Variants in MAST4 observed in about 807,000 individuals in gnomAD.
MAST4 encodes the protein microtubule associated serine/threonine kinase family member 4, also known as microtubule-associated serine/threonine-protein kinase 4.
MAST4 carries 89 observed loss-of-function variants against 162.7 expected under a neutral mutation model. That is an observed-to-expected ratio of 0.55 (90% CI 0.46 to 0.65). MAST4 has a LOEUF of 0.65. Among genes scored for constraint, MAST4 ranks in the 30% least tolerant of loss-of-function variants. MAST4 has a pLI of 0.00. For missense variants in MAST4, 3,153 were observed against 3,374.0 expected, an observed-to-expected ratio of 0.93 and a Z score of 1.62; for synonymous variants, 1,479 against 1,361.1, an observed-to-expected ratio of 1.09 and a Z score of -1.91.
Position 66,987,172 on chromosome 5 carries a change from C to T in MAST4, c.675-67232C>T, listed in dbSNP as rs540296325. ...ATGTGTAAAGTTTATGTGAAAGAAA[C>T]GAGAGCCTTGTTTTCAGAAGCTCTT... On this transcript the variant is annotated intron_variant, in intron 4 of 28. Coordinates refer to ENST00000403625, the MANE Select transcript of MAST4 (RefSeq NM_001164664.2). Among the ~76,000 whole-genome samples the T allele has an allele frequency of 5.3e-5, 8 of 152,104 alleles. No individual in the cohort carries two copies. The South Asian group carries it at 8.3e-4, about 16-fold the overall frequency.
intron 4 of MAST4, among the ~76,000 whole-genome samples, chr5:67,008,222 G>A (rs1238942768): frequency 3.9e-5 from 6 of 152,188 alleles, no homozygotes; most frequent in African/African-American, 7.2e-5. Context: ...GACTTTATAC[G>A]AAAACTTGTT....
At chr5:66,846,233 G>A (rs1758844921) in intron 3 of MAST4, among the ~76,000 whole-genome samples, 1 of 152,144 alleles carries the variant, frequency 6.6e-6, no homozygotes, top group Non-Finnish European at 1.5e-5. Flanking sequence ...CCAACTTACA[G>A]TTATCATCCA....
intron 1 of MAST4, among the ~76,000 whole-genome samples, chr5:66,661,074 T>C (rs1404656288): frequency 6.6e-6 from 1 of 152,186 alleles, no homozygotes; most frequent in Non-Finnish European, 1.5e-5. Flanking sequence ...TCTGATCCTC[T>C]AGGCATCCCT....
At position 67,100,494 on chromosome 5, in the gene MAST4, G is replaced by C. The variant is rs758601501; in HGVS notation, c.972G>C (p.Glu324Asp). ...TACCATACCAACCAACACCAGACGA[G>C]TTACACTTCTTATCAAAACATTTCT... ...HQLPYQPTPD[E>D]LHFLSKHFCT... The change falls in exon 8 of 29, where the codon GAG becomes GAC. Residue 324 changes from glutamate (E) to aspartate (D), a missense_variant. By Grantham distance (45) the Glu-to-Asp change is conservative (BLOSUM62 2). This residue lies in a region of MAST4 where 360 missense variants were observed against 450.0 expected (regional missense o/e 0.80). Coordinates refer to ENST00000403625, the MANE Select transcript of MAST4 (RefSeq NM_001164664.2). 1 of 1,613,866 alleles carries C rather than the reference G, an allele frequency of 6.2e-7. No homozygotes were observed. The highest frequency in any genetic ancestry group is 1.7e-5 in the Admixed American group (1 of 60,010).
At chr5:66,915,655 T>C (rs13182621) in intron 4 of MAST4, among the ~76,000 whole-genome samples, 4,998 of 152,232 alleles carry the variant, frequency 0.033, 153 homozygotes, top group African/African-American at 0.076. Flanking sequence ...AAAATGCCAG[T>C]TGTGTAACTA....
At chr5:66,866,587 A>T (rs1462937398) in intron 3 of MAST4, among the ~76,000 whole-genome samples, 3 of 152,166 alleles carry the variant, frequency 2.0e-5, no homozygotes, top group Admixed American at 1.3e-4. Context: ...GATCTCTTTA[A>T]TAGTGCCTAT....
At chr5:67,145,737 A>C (rs963149770) in intron 23 of MAST4, among the ~76,000 whole-genome samples, 4 of 152,194 alleles carry the variant, frequency 2.6e-5, no homozygotes, top group South Asian at 2.1e-4. Context: ...AGTTGCATCT[A>C]ACTCAAAAGT....
chr5:66,597,095 G>C, intron 1 of MAST4, 77 bp downstream of exon 1: 1 of 1,312,364 alleles, frequency 7.6e-7, no homozygotes, highest in Non-Finnish European at 9.7e-7. Context: ...CGCACAGGCA[G>C]TGGGCAGGAG....
intron 19 of MAST4, among the ~76,000 whole-genome samples, chr5:67,137,122 T>G (rs1303082311): frequency 6.6e-6 from 1 of 152,226 alleles, no homozygotes; most frequent in Non-Finnish European, 1.5e-5. Flanking sequence ...AAATGGGTTA[T>G]CAGTACTTGG....
At chr5:66,864,161 A>G (rs1760317418) in intron 3 of MAST4, among the ~76,000 whole-genome samples, 1 of 152,106 alleles carries the variant, frequency 6.6e-6, no homozygotes, top group Non-Finnish European at 1.5e-5. Flanking sequence ...AGACAAACAT[A>G]CATATACAGT....
At chr5:66,797,139 C>T (rs1755689702) in intron 3 of MAST4, among the ~76,000 whole-genome samples, 3 of 152,222 alleles carry the variant, frequency 2.0e-5, no homozygotes, top group Admixed American at 2.0e-4. Flanking sequence ...GTCCTTCTGG[C>T]ATCCTATTTC....
At chr5:67,130,188 C>G (rs144710911) in intron 14 of MAST4, 22 bp from the exon 15 acceptor site, 1 of 1,598,544 alleles carries the variant, frequency 6.3e-7, no homozygotes, top group South Asian at 1.1e-5. Flanking sequence ...CTGTCAACCC[C>G]AATACTTCTG....
chr5:66,718,145 A>G (rs1173351726), intron 1 of MAST4, among the ~76,000 whole-genome samples: 1 of 150,598 alleles, frequency 6.6e-6, no homozygotes, highest in African/African-American at 2.5e-5. Context: ...GACAGACTAT[A>G]TATATTTAAA....
chr5:66,613,211 C>T (rs931796629), intron 1 of MAST4, among the ~76,000 whole-genome samples: 22 of 152,080 alleles, frequency 1.4e-4, no homozygotes, highest in Admixed American at 9.8e-4. Flanking sequence ...CCAGTGTGCC[C>T]GGCCCAATTA....
chr5:66,677,185 G>A (rs1489333735), intron 1 of MAST4, among the ~76,000 whole-genome samples: 1 of 152,172 alleles, frequency 6.6e-6, no homozygotes, highest in African/African-American at 2.4e-5. Context: ...GTGCAAACAA[G>A]TACATGTATC....
rs942267758 is a variant in MAST4 at position 67,119,315 on chromosome 5, G to A, written c.1659+566G>A. ...GGGAGGAGGAGGGAAGGGTGACCAT[G>A]TGGAAGCCAGTTCAGAGGCTCCTGC... On this transcript the variant is annotated intron_variant, in intron 13 of 28. Transcript: ENST00000403625. Among the ~76,000 whole-genome samples, 3 of 152,096 alleles carry A rather than the reference G, an allele frequency of 2.0e-5. No individual in the cohort carries two copies. The East Asian group carries it at 5.8e-4, about 29-fold the overall frequency.
intron 4 of MAST4, among the ~76,000 whole-genome samples, chr5:66,990,551 A>G (rs1749964199): frequency 6.6e-6 from 1 of 152,218 alleles, no homozygotes; most frequent in Non-Finnish European, 1.5e-5. Context: ...AGGTGGGAAG[A>G]TCACTTGATC....
chr5:66,771,063 A>G (rs1754333659), intron 2 of MAST4, among the ~76,000 whole-genome samples: 1 of 152,234 alleles, frequency 6.6e-6, no homozygotes, highest in African/African-American at 2.4e-5. Context: ...GTGGCAAACC[A>G]AACTCAGTAA....
At chr5:66,710,430 A>T (rs1190764803) in intron 1 of MAST4, among the ~76,000 whole-genome samples, 1 of 152,056 alleles carries the variant, frequency 6.6e-6, no homozygotes, top group Non-Finnish European at 1.5e-5. Context: ...GATGGCTGGG[A>T]TTTTTCTCAC....
Sources: gnomAD v4.1 joint callset for allele counts (sites outside exome capture counted in the v4.1 genomes callset) on GRCh38, gnomAD v4.1.1 for gene constraint, gnomAD v4.1.1 regional missense constraint, MANE v1.5 for transcripts, NCBI Gene and HGNC (gene_info 2026-07-23, HGNC 2026-07-21) for gene names.